EPB41L3: variants seen among roughly 807,000 people sequenced by gnomAD.
The protein encoded by EPB41L3 is band 4.1-like protein 3.
EPB41L3 carries 57 observed loss-of-function variants against 127.1 expected under a neutral mutation model. The ratio of observed to expected loss-of-function variants is 0.45; its 90% CI spans 0.36 to 0.56. The LOEUF (loss-of-function observed/expected upper bound fraction) is 0.56, where lower values mean the gene tolerates loss of function less well. Among genes scored for constraint, EPB41L3 ranks in the 20% least tolerant of loss-of-function variants. The pLI is 0.00. For missense variants in EPB41L3, 1,273 were observed against 1,372.2 expected (o/e 0.93, Z 1.14); for synonymous variants, 572 against 549.5 (o/e 1.04, Z -0.57).
chr18:5,560,779 G>A (rs76454264), intron 3 of EPB41L3, among the ~76,000 whole-genome samples: 5 of 151,912 alleles, frequency 3.3e-5, no homozygotes, highest in Non-Finnish European at 7.4e-5. Context: ...CTTTATTTTG[G>A]GGGGTGGGGA....
intron 3 of EPB41L3, among the ~76,000 whole-genome samples, chr18:5,460,116 A>G (rs1331695153): frequency 1.3e-5 from 2 of 152,152 alleles, no homozygotes; most frequent in African/African-American, 2.4e-5. Context: ...ATGTATGCCC[A>G]GTGTTTAGCT....
chr18:5,604,693 ATC>A (rs1223035921), intron 3 of EPB41L3, among the ~76,000 whole-genome samples: 10 of 152,120 alleles, frequency 6.6e-5, no homozygotes, highest in African/African-American at 2.4e-4. Flanking sequence ...GCCTCAAGTG[ATC>A]TGCCCACCTT....
At chr18:5,521,182 A>C (rs2092974018) in intron 1 of EPB41L3, 1 of 152,236 alleles carries the variant, frequency 6.6e-6, no homozygotes, top group African/African-American at 2.4e-5. Flanking sequence ...TAGAAACTAC[A>C]TGACAATGAT....
Position 5,486,030 on chromosome 18 carries a change from C to T in EPB41L3, c.183+2971G>A, listed in dbSNP as rs572535999. Among the ~76,000 whole-genome samples the T allele has an allele frequency of 2.1e-4, 32 of 152,156 alleles. No individual in the cohort carries two copies. The East Asian group carries it at 5.8e-3, about 28-fold the overall frequency. ...GGAACTACAAAAGACCCCGAATAGC[C>T]AAAGTCATCCTGACTAAAAAGAACA... is the stretch of plus-strand genomic sequence containing the variant. On this transcript the variant is annotated intron_variant, in intron 2 of 22. Coordinates refer to ENST00000341928, the MANE Select transcript of EPB41L3 (RefSeq NM_012307.5).
chr18:5,455,147 G>A (rs1403661531), intron 3 of EPB41L3, among the ~76,000 whole-genome samples: 1 of 152,062 alleles, frequency 6.6e-6, no homozygotes, highest in Non-Finnish European at 1.5e-5. Context: ...CAATAAATGC[G>A]GGTGATTATT....
intron 13 of EPB41L3, among the ~76,000 whole-genome samples, chr18:5,411,247 T>C (rs1163458916): frequency 1.3e-5 from 2 of 152,216 alleles, no homozygotes; most frequent in African/African-American, 4.8e-5. Context: ...CGTCGCTAAC[T>C]AGGTATTTTT....
At chr18:5,530,127 TG>T (rs1568510087) in intron 1 of EPB41L3, among the ~76,000 whole-genome samples, 1 of 152,188 alleles carries the variant, frequency 6.6e-6, no homozygotes, top group African/African-American at 2.4e-5. Flanking sequence ...AATTCTTCCC[TG>T]GATAGTAACA....
intron 3 of EPB41L3, among the ~76,000 whole-genome samples, chr18:5,583,844 T>C (rs1485935839): frequency 6.6e-6 from 1 of 152,244 alleles, no homozygotes; most frequent in Non-Finnish European, 1.5e-5. Flanking sequence ...GTTTCACTCT[T>C]GTTGTCCAGG....
intron 3 of EPB41L3, among the ~76,000 whole-genome samples, chr18:5,477,056 C>T (rs2087382742): frequency 6.6e-6 from 1 of 152,132 alleles, no homozygotes; most frequent in African/African-American, 2.4e-5. Context: ...CAATCTGTAA[C>T]AATTTAGTAA....
At chr18:5,424,969 T>A (rs2077966760) in intron 9 of EPB41L3, among the ~76,000 whole-genome samples, 2 of 152,208 alleles carry the variant, frequency 1.3e-5, no homozygotes, top group Non-Finnish European at 2.9e-5. Flanking sequence ...TTCATATTTT[T>A]CAGCATGTAC....
intron 9 of EPB41L3, among the ~76,000 whole-genome samples, chr18:5,426,111 A>G (rs764274541): frequency 2.0e-5 from 3 of 152,112 alleles, no homozygotes; most frequent in Non-Finnish European, 4.4e-5. Flanking sequence ...TAGTGGTATT[A>G]TCCAGAGTTC....
At chr18:5,625,431 A>G (rs1943790508) in intron 1 of EPB41L3, among the ~76,000 whole-genome samples, 1 of 152,126 alleles carries the variant, frequency 6.6e-6, no homozygotes, top group Admixed American at 6.5e-5. Flanking sequence ...AAGGTGTAAA[A>G]AAATGAAGAC....
chr18:5,555,464 C>T (rs1057349132), intron 3 of EPB41L3, among the ~76,000 whole-genome samples: 3 of 152,104 alleles, frequency 2.0e-5, no homozygotes, highest in Non-Finnish European at 2.9e-5. Context: ...TAGCATGGCA[C>T]GTTAGCCCTA....
At chr18:5,406,670 GA>G (rs766784042) in intron 16 of EPB41L3, 106 bp downstream of exon 16, 92 of 1,008,908 alleles carry the variant, frequency 9.1e-5, no homozygotes, top group Non-Finnish European at 1.2e-4. Flanking sequence ...ACATAGGTAG[GA>G]AGAGAGATTT....
chr18:5,438,181 G>T, intron 5 of EPB41L3, 71 bp from the exon 6 acceptor site: 2 of 1,425,966 alleles, frequency 1.4e-6, no homozygotes, highest in Non-Finnish European at 1.9e-6. Flanking sequence ...GGCCAGAACT[G>T]CCTTAACTCC....
At position 5,581,436 on chromosome 18, in the gene EPB41L3, G is replaced by C. The variant is rs1599099706; in HGVS notation, c.-306+30904C>G. ...TAGAGACTCTAGAGAATAATGTGAAGGTAAATACGTTATCATTTTCAATAT... is the reference window on the plus strand; with the variant it reads ...TAGAGACTCTAGAGAATAATGTGAACGTAAATACGTTATCATTTTCAATAT... On this transcript the variant is annotated intron_variant, in intron 3 of 21. Coordinates refer to the EPB41L3 transcript ENST00000545076. Among the ~76,000 whole-genome samples the C allele has an allele frequency of 2.0e-5, 3 of 152,180 alleles. No individual in the cohort carries two copies. In the South Asian group the frequency reaches 6.2e-4, roughly 32 times the overall value.
At position 5,424,342 on chromosome 18, in the gene EPB41L3, G is replaced by C; in HGVS notation, c.1083C>G (p.Ser361Arg). The C allele has an allele frequency of 6.2e-7, 1 of 1,602,274 alleles. No individual in the cohort carries two copies. The highest frequency in any genetic ancestry group is 8.5e-7 in the Non-Finnish European group (1 of 1,175,046). The change falls in exon 10 of 23, where the codon AGC becomes AGG. Residue 361 changes from serine (S) to arginine (R), a missense_variant. Physicochemically the swap from Ser to Arg is moderately radical, Grantham distance 110 (BLOSUM62 -1). Around this residue, in one of 3 missense-constraint regions of EPB41L3, gnomAD observed 326 missense variants for 440.2 expected, o/e 0.74. Transcript: ENST00000341928. ...GGTTTGGCAGCTTAAACCCAATGGT[G>C]CTTTCAAATTGTTCAAACTAAATAA... The part of the protein sequence containing the change: ...IRPGEFEQFE[S>R]TIGFKLPNHR...
chr18:5,396,330 G>A lies in EPB41L3; in HGVS notation c.2844C>T (p.Ser948=). 6.2e-7 allele frequency: 1 copy of A among 1,614,030 alleles called. No individual in the cohort carries two copies. Among genetic ancestry groups the A allele is most frequent in the Non-Finnish European group, 8.5e-7 (1 of 1,179,986 alleles). Residue 948 remains serine (S), a splice_region_variant and synonymous_variant, in exon 19 of 23, where the codon TCC becomes TCT. Transcript: ENST00000341928. ...ETLEQKPHFE[S]STVKTETISF... Reference sequence around the variant, plus strand: ...TGATGGTTTCCGTCTTCACCGTTGAGGACTGTGCCAAAGGGGAGTAAGCAG... The same window carrying A: ...TGATGGTTTCCGTCTTCACCGTTGAAGACTGTGCCAAAGGGGAGTAAGCAG...
chr18:5,505,368 T>C (rs1246511274), intron 1 of EPB41L3, among the ~76,000 whole-genome samples: 1 of 152,098 alleles, frequency 6.6e-6, no homozygotes, highest in Non-Finnish European at 1.5e-5. Context: ...CCTGTGGCTC[T>C]ACCTTCAGAA....
Sources: gnomAD v4.1 joint callset for allele counts (sites outside exome capture counted in the v4.1 genomes callset) on GRCh38, gnomAD v4.1.1 for gene constraint, gnomAD v4.1.1 regional missense constraint, MANE v1.5 for transcripts, NCBI Gene and HGNC (gene_info 2026-07-23, HGNC 2026-07-21) for gene names.